Variants in PACRG observed in about 807,000 individuals in gnomAD.
PACRG encodes parkin coregulated gene protein.
A neutral mutation model predicts 29.7 loss-of-function variants in PACRG; 29 were observed. That is an observed-to-expected ratio of 0.98 (90% CI 0.73 to 1.33). The LOEUF (loss-of-function observed/expected upper bound fraction) is 1.33, where lower values mean the gene tolerates loss of function less well. PACRG is among the 40% of genes most tolerant of loss of function. The pLI is 0.00. For synonymous variants in PACRG, 116 were observed against 118.7 expected (o/e 0.98, Z 0.15); for missense variants, 279 against 316.2 (o/e 0.88, Z 0.89).
chr6:162,859,397 A>G (rs773319398), intron 2 of PACRG, among the ~76,000 whole-genome samples: 1 of 152,222 alleles, frequency 6.6e-6, no homozygotes, highest in Non-Finnish European at 1.5e-5. Flanking sequence ...CATGAACCCA[A>G]AGGAACTACC....
At chr6:163,217,373 A>G (rs1056148777) in intron 4 of PACRG, among the ~76,000 whole-genome samples, 52 of 152,260 alleles carry the variant, frequency 3.4e-4, no homozygotes, top group African/African-American at 1.2e-3. Flanking sequence ...CAGGAAGGCC[A>G]GGGTTCCAGG....
intron 4 of PACRG, among the ~76,000 whole-genome samples, chr6:163,284,971 C>T (rs1158164041): frequency 6.6e-6 from 1 of 152,218 alleles, no homozygotes; most frequent in Non-Finnish European, 1.5e-5. Context: ...CATCACATTG[C>T]CTGGGGCAGT....
chr6:163,285,615 C>A (rs1035818044), intron 4 of PACRG, among the ~76,000 whole-genome samples: 2 of 152,262 alleles, frequency 1.3e-5, no homozygotes, highest in Non-Finnish European at 2.9e-5. Flanking sequence ...AGGAAAATGG[C>A]CCAGCCCAGA....
At chr6:162,846,063 C>G (rs1790349352) in intron 2 of PACRG, among the ~76,000 whole-genome samples, 1 of 151,958 alleles carries the variant, frequency 6.6e-6, no homozygotes, top group South Asian at 2.1e-4. Flanking sequence ...CGGGTCTGAC[C>G]CCAGCGAAGG....
intron 4 of PACRG, among the ~76,000 whole-genome samples, chr6:163,136,753 A>T (rs1453433749): frequency 6.6e-6 from 1 of 152,238 alleles, no homozygotes; most frequent in Non-Finnish European, 1.5e-5. Flanking sequence ...AACTAATGCA[A>T]AATCCATTTT....
At chr6:162,884,286 C>A (rs1794147737) in intron 2 of PACRG, among the ~76,000 whole-genome samples, 1 of 152,080 alleles carries the variant, frequency 6.6e-6, no homozygotes, top group Non-Finnish European at 1.5e-5. Context: ...GAAGGTTCAT[C>A]TATAAGTTTT....
chr6:162,935,397 T>C (rs1170744912), intron 2 of PACRG, among the ~76,000 whole-genome samples: 1 of 150,772 alleles, frequency 6.6e-6, no homozygotes, highest in Non-Finnish European at 1.5e-5. Flanking sequence ...TTATTCTTTT[T>C]TTTTTTTTTT....
Position 162,931,471 on chromosome 6 carries a change from C to T in PACRG, c.291+117190C>T, listed in dbSNP as rs571243946. Among the ~76,000 whole-genome samples the T allele has an allele frequency of 4.6e-5, 7 of 151,914 alleles. No homozygotes were observed. In the South Asian group the frequency reaches 1.5e-3, roughly 31 times the overall value. ...ATAGTTTTATGTTTTACATTTAGGT[C>T]CATGATAGTTTGAGTTAAATTTTGT... On this transcript the variant is annotated intron_variant, in intron 2 of 4. Coordinates refer to ENST00000366888, the MANE Select transcript of PACRG (RefSeq NM_001080379.2).
chr6:162,850,657 T>C (rs1790780063), intron 2 of PACRG, among the ~76,000 whole-genome samples: 1 of 152,110 alleles, frequency 6.6e-6, no homozygotes, highest in Non-Finnish European at 1.5e-5. Context: ...GTGGATCACC[T>C]GGAGAGGGCG....
intron 2 of PACRG, chr6:162,957,696 A>T (rs1242308075): frequency 6.5e-6 from 1 of 152,808 alleles, no homozygotes; most frequent in African/African-American, 2.4e-5. Context: ...TCACATGCAT[A>T]TAAAAAAGGA....
At chr6:163,101,739 G>A (rs73786964) in intron 4 of PACRG, among the ~76,000 whole-genome samples, 3,675 of 152,220 alleles carry the variant, frequency 0.024, 160 homozygotes, top group African/African-American at 0.083. Context: ...AGCCACTGGC[G>A]GTGTGGAACA....
chr6:162,968,916 G>C (rs1454604937), intron 2 of PACRG, among the ~76,000 whole-genome samples: 1 of 151,556 alleles, frequency 6.6e-6, no homozygotes, highest in Non-Finnish European at 1.5e-5. Flanking sequence ...GCGTGGTGGC[G>C]GGCGCCTGTA....
At chr6:163,099,371 A>G (rs1393251089) in intron 4 of PACRG, among the ~76,000 whole-genome samples, 1 of 152,242 alleles carries the variant, frequency 6.6e-6, no homozygotes, top group Non-Finnish European at 1.5e-5. Flanking sequence ...TTAAACGCTC[A>G]AAATGGGCCC....
At chr6:162,795,799 A>C (rs1040991018) in intron 1 of PACRG, among the ~76,000 whole-genome samples, 5 of 152,270 alleles carry the variant, frequency 3.3e-5, no homozygotes, top group African/African-American at 1.2e-4. Flanking sequence ...CTTCAAATAG[A>C]TCTTGTACAT....
rs533991208 is a variant in PACRG, at chr6:163,048,238, T to A, written c.292-13912T>A. On this transcript the variant is annotated intron_variant, in intron 2 of 4. Coordinates refer to ENST00000366888, the MANE Select transcript of PACRG (RefSeq NM_001080379.2). Reference sequence around the variant, plus strand: ...TAGGGTTGAATAAAAATAATAACTTTCTTCTTATCTCCTTTCTAACCAAAA... The same window carrying A: ...TAGGGTTGAATAAAAATAATAACTTACTTCTTATCTCCTTTCTAACCAAAA... 4.6e-5 allele frequency among the ~76,000 whole-genome samples: 7 copies of A among 152,324 alleles called. No homozygotes were observed. The East Asian group carries it at 1.3e-3, about 29-fold the overall frequency.
intron 1 of PACRG, among the ~76,000 whole-genome samples, chr6:162,763,271 T>G (rs1327409912): frequency 6.6e-6 from 1 of 152,206 alleles, no homozygotes; most frequent in African/African-American, 2.4e-5. Flanking sequence ...AGCAATCTCC[T>G]GCACTTTCTT....
intron 4 of PACRG, among the ~76,000 whole-genome samples, chr6:163,234,313 A>G (rs1297342514): frequency 2.0e-5 from 3 of 152,126 alleles, no homozygotes; most frequent in Non-Finnish European, 4.4e-5. Flanking sequence ...GTGACTTCTC[A>G]TGGGAGTGGG....
chr6:162,948,624 T>C (rs1407093708), intron 2 of PACRG, among the ~76,000 whole-genome samples: 2 of 152,088 alleles, frequency 1.3e-5, no homozygotes, highest in African/African-American at 4.8e-5. Flanking sequence ...GAGAAAATAT[T>C]TGCAAACTAT....
intron 4 of PACRG, among the ~76,000 whole-genome samples, chr6:163,213,029 T>C (rs530795237): frequency 1.4e-3 from 206 of 152,258 alleles, no homozygotes; most frequent in Non-Finnish European, 2.5e-3. Flanking sequence ...CCACCCGCCT[T>C]GGCCTCCCAA....
Sources: gnomAD v4.1 joint callset for allele counts (sites outside exome capture counted in the v4.1 genomes callset) on GRCh38, gnomAD v4.1.1 for gene constraint, MANE v1.5 for transcripts, NCBI Gene and HGNC (gene_info 2026-07-23, HGNC 2026-07-21) for gene names.